TRRAP: variants seen among roughly 807,000 people sequenced by gnomAD.
TRRAP encodes the protein transformation/transcription domain associated protein.
In TRRAP, 41 loss-of-function variants were observed where a neutral mutation model predicts 438.8. That is an observed-to-expected ratio of 0.09 (90% CI 0.07 to 0.12). TRRAP has a LOEUF of 0.12. Among genes scored for constraint, TRRAP ranks in the 10% least tolerant of loss-of-function variants. TRRAP has a pLI of 1.00. For missense variants in TRRAP, 3,122 were observed against 5,055.1 expected, an observed-to-expected ratio of 0.62 and a Z score of 11.60; for synonymous variants, 1,994 against 1,962.9, an observed-to-expected ratio of 1.02 and a Z score of -0.42.
chr7:98,976,333 A>G lies in TRRAP; in HGVS notation c.7959+65A>G. 6 of 1,599,264 alleles carry G rather than the reference A, an allele frequency of 3.8e-6. No individual in the cohort carries two copies. The Admixed American group carries it at 5.1e-5, about 14-fold the overall frequency. On this transcript the variant is annotated intron_variant, in intron 54 of 72. Transcript: ENST00000456197. This position sits in a 1 kb window ranked among gnomAD's most constrained non-coding sequence, Gnocchi z 4.6. ...TTTTAGCTTTTGGTAAGTATTCATAAAAGAACACAGTCTCGAACAAGTTTC... is the reference window on the plus strand; with the variant it reads ...TTTTAGCTTTTGGTAAGTATTCATAGAAGAACACAGTCTCGAACAAGTTTC...
At chr7:99,000,154 C>G (rs975929656) in intron 67 of TRRAP, among the ~76,000 whole-genome samples, 4 of 152,120 alleles carry the variant, frequency 2.6e-5, no homozygotes, top group Non-Finnish European at 5.9e-5. Context: ...ATTACAGGTG[C>G]ACGTGCCACC....
Position 98,895,770 on chromosome 7 carries a change from C to A in TRRAP, c.457C>A (p.His153Asn). 3.1e-6 allele frequency: 5 copies of A among 1,603,478 alleles called. No individual in the cohort carries two copies. Among genetic ancestry groups the A allele is most frequent in the Non-Finnish European group, 4.3e-6 (5 of 1,175,542 alleles). Residue 153 changes from histidine (H) to asparagine (N), a missense_variant, in exon 7 of 73, where the codon CAT (histidine) becomes AAT (asparagine). By Grantham distance (68) the His-to-Asn change is moderately conservative (BLOSUM62 1). Transcript: ENST00000456197. ...AAGTGTCTGCTTTTTTTAGATTCAT[C>A]ATTTTCTGGATTTTGTGAAACAGAT... ...FRPPITQEIH[H>N]FLDFVKQIYK... is the part of the protein sequence containing the mutation.
chr7:98,926,653 AAG>A (rs782345239), intron 22 of TRRAP, among the ~76,000 whole-genome samples: 2 of 152,136 alleles, frequency 1.3e-5, no homozygotes, highest in African/African-American at 2.4e-5. Context: ...GGGAAGGAAA[AAG>A]AGCCAAGAAA....
chr7:98,915,648 T>G, intron 18 of TRRAP, 75 bp from the exon 19 acceptor site: 1 of 1,512,486 alleles, frequency 6.6e-7, no homozygotes, highest in South Asian at 1.3e-5. Context: ...CGGATTACAG[T>G]GACACTTTAG....
intron 23 of TRRAP, among the ~76,000 whole-genome samples, chr7:98,929,054 C>A (rs1790199052): frequency 6.6e-6 from 1 of 151,764 alleles, no homozygotes; most frequent in Non-Finnish European, 1.5e-5. Flanking sequence ...TCTCCTCCCT[C>A]ACCCCTCCTG....
At chr7:98,992,457 A>G (rs761429694) in intron 65 of TRRAP, among the ~76,000 whole-genome samples, 9 of 152,226 alleles carry the variant, frequency 5.9e-5, no homozygotes, top group Non-Finnish European at 1.2e-4. Flanking sequence ...GATTTGATCT[A>G]TAGGTAGAGA....
rs1295994903 is a variant in TRRAP, at chr7:98,967,718, A to G, written c.7512+20A>G. ...ATTGAGGTAGGAAGACTCGGCTCAC[A>G]TCTGTGGCCGGGGGCAGCTGTGGGT... On this transcript the variant is annotated intron_variant, in intron 51 of 72. Transcript: ENST00000456197. 2 of 1,604,918 alleles carry G rather than the reference A, an allele frequency of 1.2e-6. No individual in the cohort carries two copies. Among genetic ancestry groups the G allele is most frequent in the Non-Finnish European group, 1.7e-6 (2 of 1,174,642 alleles).
At chr7:98,916,887 C>T (rs1562940090) in intron 19 of TRRAP, among the ~76,000 whole-genome samples, 1 of 152,140 alleles carries the variant, frequency 6.6e-6, no homozygotes, top group Non-Finnish European at 1.5e-5. Context: ...TTCATCCTGC[C>T]TTCCTGTGCC....
intron 44 of TRRAP, 96 bp from the exon 45 acceptor site, chr7:98,959,248 T>TG: frequency 6.6e-7 from 1 of 1,512,942 alleles, no homozygotes. Flanking sequence ...CTGAGACAGG[T>TG]GTAAGGGCCA....
intron 21 of TRRAP, among the ~76,000 whole-genome samples, chr7:98,923,025 A>G (rs887164498): frequency 2.6e-5 from 4 of 152,022 alleles, no homozygotes; most frequent in African/African-American, 7.2e-5. Flanking sequence ...CCTCAAGCCT[A>G]TGCCTCATCC....
chr7:98,911,862 C>G (rs1789292719), intron 17 of TRRAP, among the ~76,000 whole-genome samples, 160 bp from the exon 18 acceptor site: 1 of 151,898 alleles, frequency 6.6e-6, no homozygotes, highest in Non-Finnish European at 1.5e-5. Context: ...CTGCTCAGTG[C>G]TCAGTAAACC....
chr7:98,913,175 C>A (rs539424625), intron 18 of TRRAP, among the ~76,000 whole-genome samples: 2 of 152,178 alleles, frequency 1.3e-5, no homozygotes, highest in Non-Finnish European at 2.9e-5. Flanking sequence ...TTGCTACTTG[C>A]AGTCTTGGGG....
At chr7:98,954,630 TC>T (rs1252156204) in intron 40 of TRRAP, among the ~76,000 whole-genome samples, 9 of 152,188 alleles carry the variant, frequency 5.9e-5, no homozygotes, top group Admixed American at 3.3e-4. Flanking sequence ...ACCCACCCCG[TC>T]CCCTCTACCC....
intron 21 of TRRAP, among the ~76,000 whole-genome samples, chr7:98,924,732 G>A (rs1378985109): frequency 1.4e-5 from 2 of 146,624 alleles, no homozygotes; most frequent in East Asian, 2.0e-4. Flanking sequence ...GGCTGGGCGC[G>A]GTGGCTCATG....
At chr7:98,963,138 A>G (rs1015382417) in intron 47 of TRRAP, among the ~76,000 whole-genome samples, 1 of 152,252 alleles carries the variant, frequency 6.6e-6, no homozygotes, top group African/African-American at 2.4e-5. Context: ...ATACACACGT[A>G]TACAAATACC....
In TRRAP at chr7:98,903,393, G is replaced by T. The variant is rs1562933328; in HGVS notation, c.912G>T (p.Lys304Asn). 6.2e-7 allele frequency: 1 copy of T among 1,614,220 alleles called. No homozygotes were observed. Among genetic ancestry groups the T allele is most frequent in the South Asian group, 1.1e-5 (1 of 91,092 alleles). The change falls in exon 12 of 73, where the codon AAG (lysine) becomes AAT (asparagine). Residue 304 changes from lysine (K) to asparagine (N), a missense_variant. Physicochemically the swap from Lys to Asn is moderately conservative, Grantham distance 94. Around this residue, in one of 24 missense-constraint regions of TRRAP, gnomAD observed 343 missense variants for 564.0 expected, o/e 0.61. Transcript: ENST00000456197. Reference protein sequence around the residue: ...IIRIYQELVTKYSQQMVKGML... With the variant: ...IIRIYQELVTNYSQQMVKGML... Reference sequence around the variant, plus strand: ...TGTTCTTACAGGAGTTGGTGACTAAGTATTCTCAGCAGATGGTGAAAGGAA... The same window carrying T: ...TGTTCTTACAGGAGTTGGTGACTAATTATTCTCAGCAGATGGTGAAAGGAA...
intron 3 of TRRAP, among the ~76,000 whole-genome samples, chr7:98,886,092 C>G (rs1410998661): frequency 1.3e-5 from 2 of 152,142 alleles, no homozygotes; most frequent in African/African-American, 4.8e-5. Flanking sequence ...CGAGACCAAC[C>G]TGGCCAACAT....
chr7:98,992,558 G>A (rs1793474261), intron 65 of TRRAP, among the ~76,000 whole-genome samples: 1 of 133,916 alleles, frequency 7.5e-6, no homozygotes, highest in South Asian at 2.2e-4. Context: ...GATGCCAGCT[G>A]CCGTGTGTGT....
Position 98,976,906 on chromosome 7 carries a change from C to T in TRRAP, c.8248-33C>T. ...TAGGGGGGAAAAAAAGTCTCTGTCT[C>T]AAGCACTCAGGAACCTTACTTTGTG... On this transcript the variant is annotated intron_variant, in intron 55 of 72. Transcript: ENST00000456197. This position sits in a 1 kb window ranked among gnomAD's most constrained non-coding sequence, Gnocchi z 4.6. The T allele has an allele frequency of 6.2e-7, 1 of 1,612,628 alleles. No individual in the cohort carries two copies. The highest frequency in any genetic ancestry group is 1.1e-5 in the South Asian group (1 of 91,044).
Sources: gnomAD v4.1 joint callset for allele counts (sites outside exome capture counted in the v4.1 genomes callset) on GRCh38, gnomAD v4.1.1 for gene constraint, gnomAD v4.1.1 regional missense constraint, Gnocchi (gnomAD v3.1) non-coding constraint, MANE v1.5 for transcripts, NCBI Gene and HGNC (gene_info 2026-07-23, HGNC 2026-07-21) for gene names.